The following KLK7 variants were observed in gnomAD, a reference collection of about 807,000 sequenced individuals.
KLK7 encodes kallikrein related peptidase 7.
A neutral mutation model predicts 21.0 loss-of-function variants in KLK7; 17 were observed. The observed-to-expected ratio is 0.81, with a 90% CI of 0.55 to 1.21. The LOEUF is 1.21. KLK7 is among the 50% of genes most tolerant of loss of function. The pLI, the probability that KLK7 is intolerant of heterozygous loss-of-function variation, is 0.00. For synonymous variants in KLK7, 151 were observed against 134.6 expected (o/e 1.12, Z -0.85); for missense variants, 330 against 322.8 (o/e 1.02, Z -0.17).
At chr19:50,982,751 C>T (rs1000183595) in intron 1 of KLK7, among the ~76,000 whole-genome samples, 8 of 151,602 alleles carry the variant, frequency 5.3e-5, no homozygotes, top group Non-Finnish European at 1.2e-4. Flanking sequence ...GCACCTTCCT[C>T]CCTCAGACCC....
At position 50,977,003 on chromosome 19, in the gene KLK7, T is replaced by G. The variant is rs1654529; in HGVS notation, c.*533A>C. The G allele has an allele frequency of 0.055, 8,425 of 153,076 alleles. 782 individuals are homozygous for G. The highest frequency in any genetic ancestry group is 0.19 in the African/African-American group (7,747 of 41,478). The allele number at this position is 153,076 out of a possible 1,614,324, so 9.5% of individuals were successfully genotyped here. ...GAGGTTGCAGTGAGCCAAGATTGCATCACTGCATTGCAGCCCAAGCAACAG... is the reference window on the plus strand; with the variant it reads ...GAGGTTGCAGTGAGCCAAGATTGCAGCACTGCATTGCAGCCCAAGCAACAG... On this transcript the variant is annotated 3_prime_UTR_variant, in exon 6 of 6. Coordinates refer to ENST00000595820, the MANE Select transcript of KLK7 (RefSeq NM_005046.4).
chr19:50,977,838 A>G (rs2091048848), intron 5 of KLK7, 147 bp from the exon 6 acceptor site: 1 of 829,864 alleles, frequency 1.2e-6, no homozygotes, highest in African/African-American at 1.7e-5. Context: ...TCTGGGGACT[A>G]ATGGGAGAGC....
upstream of KLK7, chr19:50,983,984 G>T: frequency 8.1e-7 from 1 of 1,235,212 alleles, no homozygotes; most frequent in Non-Finnish European, 1.1e-6. Context: ...GCCCTGGGGT[G>T]CAGGCGGAGC....
rs1238780609 is a variant in KLK7, at chr19:50,977,220, T to C, written c.*316A>G. ...AGGTTCTTCCTAAGATTAGAGTTAC[T>C]GGGTCAAAGGTGGTGAATAAGGGTC... On this transcript the variant is annotated 3_prime_UTR_variant, in exon 6 of 6. Coordinates refer to ENST00000595820, the MANE Select transcript of KLK7 (RefSeq NM_005046.4). 8.3e-6 allele frequency: 2 copies of C among 241,360 alleles called. No individual in the cohort carries two copies. Among genetic ancestry groups the C allele is most frequent in the Non-Finnish European group, 1.6e-5 (2 of 126,600 alleles). The allele number at this position is 241,360 out of a possible 1,614,324, so 15.0% of individuals were successfully genotyped here.
intron 5 of KLK7, among the ~76,000 whole-genome samples, chr19:50,979,525 G>C (rs1263590881): frequency 1.3e-5 from 2 of 152,188 alleles, no homozygotes; most frequent in African/African-American, 4.8e-5. Flanking sequence ...CCTGAGGCCA[G>C]CACCTCAGTC....
chr19:50,981,735 G>A (rs759679638), intron 3 of KLK7, 32 bp downstream of exon 3: 1 of 1,536,660 alleles, frequency 6.5e-7, no homozygotes, highest in South Asian at 1.2e-5. Flanking sequence ...AGACGCTGGT[G>A]CACCTCCAGC....
At chr19:50,982,176 C>CA (rs955554951) in intron 2 of KLK7, 151 bp downstream of exon 2, 1 of 1,070,006 alleles carries the variant, frequency 9.3e-7, no homozygotes, top group African/African-American at 1.6e-5. Context: ...CCTGAGTCAG[C>CA]AGAAGCAGGA....
Position 50,979,842 on chromosome 19 carries a change from C to T in KLK7, c.552G>A (p.Leu184=). Reference sequence around the variant, plus strand: ...TGCCAGCGCACAGCATGGAATTTTCCAGTAAGTCCTTGTAAACCTTCGTGC... The same window carrying T: ...TGCCAGCGCACAGCATGGAATTTTCTAGTAAGTCCTTGTAAACCTTCGTGC... ...QDCTKVYKDL[L]ENSMLCAGIP... is the part of the protein sequence containing the mutation. Residue 184 remains leucine, a synonymous_variant, in exon 5 of 6, where the codon CTG becomes CTA. Transcript: ENST00000595820. 1 of 1,582,048 alleles carries T rather than the reference C, an allele frequency of 6.3e-7. No individual in the cohort carries two copies. Among genetic ancestry groups the T allele is most frequent in the Non-Finnish European group, 8.6e-7 (1 of 1,163,320 alleles).
At chr19:50,978,676 G>A (rs982268937) in intron 5 of KLK7, among the ~76,000 whole-genome samples, 1 of 146,870 alleles carries the variant, frequency 6.8e-6, no homozygotes, top group Non-Finnish European at 1.5e-5. Flanking sequence ...GAGAGAGACT[G>A]GAAGAGAGGA....
rs1436694622 is a variant in KLK7 at position 50,977,490 on chromosome 19, G to A, written c.*46C>T. ...ATAGGTCATCGGCGTCCTCACTCCT[G>A]TGCATTTTCTGTTGGAAGCACACAG... On this transcript the variant is annotated 3_prime_UTR_variant, in exon 6 of 6. Coordinates refer to ENST00000595820, the MANE Select transcript of KLK7 (RefSeq NM_005046.4). 6.3e-7 allele frequency: 1 copy of A among 1,594,864 alleles called. No individual in the cohort carries two copies. The highest frequency in any genetic ancestry group is 8.6e-7 in the Non-Finnish European group (1 of 1,163,294).
chr19:50,982,400 G>T lies in KLK7; in HGVS notation c.-1C>A, dbSNP rs1416183774. ...GGGGCAGGAGAAGGGATCTTGCCAT[G>T]GTGCCCTGCTGAGCCGCTCAGGGGC... On this transcript the variant is annotated 5_prime_UTR_variant, in exon 2 of 6. Coordinates refer to ENST00000595820, the MANE Select transcript of KLK7 (RefSeq NM_005046.4). 1.2e-6 allele frequency: 2 copies of T among 1,606,872 alleles called. No individual in the cohort carries two copies. The highest frequency in any genetic ancestry group is 2.7e-5 in the African/African-American group (2 of 74,808).
chr19:50,983,713 A>G (rs2091109450), intron 1 of KLK7, 138 bp downstream of exon 1: 2 of 1,155,426 alleles, frequency 1.7e-6, no homozygotes, highest in East Asian at 1.2e-4. Context: ...AAAGGCCCCA[A>G]ATTGCAGACT....
At position 50,977,652 on chromosome 19, in the gene KLK7, G is replaced by T. The variant is rs772265162; in HGVS notation, c.646C>A (p.Gln216Lys). The T allele has an allele frequency of 1.2e-6, 2 of 1,613,740 alleles. No homozygotes were observed. The highest frequency in any genetic ancestry group is 2.2e-5 in the South Asian group (2 of 91,074). The change falls in exon 6 of 6, where the codon CAA (glutamine) becomes AAA (lysine). Residue 216 changes from glutamine (Q) to lysine (K), a missense_variant. Transcript: ENST00000595820. Reference sequence around the variant, plus strand: ...AAAGTTCCCCAGGACACCAGACCTTGCAGGGTACCTCTGCACACCAACGGT... The same window carrying T: ...AAAGTTCCCCAGGACACCAGACCTTTCAGGGTACCTCTGCACACCAACGGT... Reference protein sequence around the residue: ...GGPLVCRGTLQGLVSWGTFPC... With the variant: ...GGPLVCRGTLKGLVSWGTFPC...
chr19:50,983,495 G>A (rs1365433922), intron 1 of KLK7, among the ~76,000 whole-genome samples: 2 of 23,476 alleles, frequency 8.5e-5, no homozygotes, highest in African/African-American at 3.7e-4. Flanking sequence ...CCCAGGAGTC[G>A]AGACCCCCAG....
chr19:50,979,051 T>G (rs1753599313), intron 5 of KLK7, among the ~76,000 whole-genome samples: 1 of 150,438 alleles, frequency 6.6e-6, no homozygotes, highest in Admixed American at 6.6e-5. Flanking sequence ...AAGAATGAAA[T>G]GAAATTATGT....
Position 50,977,355 on chromosome 19 carries a change from T to C in KLK7, c.*181A>G. ...TTCTCCAGCACTGAGGGTTTTGTGT[T>C]TCTTTATTTGTTTTGGTTTTAGGTC... On this transcript the variant is annotated 3_prime_UTR_variant, in exon 6 of 6. Coordinates refer to ENST00000595820, the MANE Select transcript of KLK7 (RefSeq NM_005046.4). 1.6e-6 allele frequency: 1 copy of C among 612,194 alleles called. No individual in the cohort carries two copies. Among genetic ancestry groups the C allele is most frequent in the Non-Finnish European group, 2.9e-6 (1 of 349,982 alleles). 37.9% of individuals were successfully genotyped at this position (612,194 alleles called of 1,614,324 possible). A position where few individuals can be genotyped will look rare whatever the true frequency, so the allele number is the denominator to read the frequency against.
chr19:50,978,476 GAGAC>G (rs1441142650), intron 5 of KLK7, among the ~76,000 whole-genome samples: 2 of 141,204 alleles, frequency 1.4e-5, no homozygotes, highest in African/African-American at 5.4e-5. Flanking sequence ...GGGAGAGAGA[GAGAC>G]AGAGAGATGG....
At position 50,981,740 on chromosome 19, in the gene KLK7, T is replaced by C. The variant is rs1408116302; in HGVS notation, c.221+27A>G. On this transcript the variant is annotated intron_variant, in intron 3 of 5. Transcript: ENST00000595820. ...AGCGAGCTGGAGACGCTGGTGCACC[T>C]CCAGCAGAGACTTGGGCGGCACCTA... is the stretch of plus-strand genomic sequence containing the variant. 37 of 1,545,690 alleles carry C rather than the reference T, an allele frequency of 2.4e-5. No homozygotes were observed. In the East Asian group the frequency reaches 8.4e-4, roughly 35 times the overall value.
Position 50,977,457 on chromosome 19 carries a change from T to A in KLK7, c.*79A>T. 7.2e-7 allele frequency: 1 copy of A among 1,398,220 alleles called. No homozygotes were observed. The highest frequency in any genetic ancestry group is 1.8e-5 in the Admixed American group (1 of 55,760). The allele number at this position is 1,398,220 out of a possible 1,614,324, so 86.6% of individuals were successfully genotyped here. A position where few individuals can be genotyped will look rare whatever the true frequency, so the allele number is the denominator to read the frequency against. Reference sequence around the variant, plus strand: ...TCTTTGAGGAAAGGTAAAGTCAAATTTGACTTCATAGGTCATCGGCGTCCT... The same window carrying A: ...TCTTTGAGGAAAGGTAAAGTCAAATATGACTTCATAGGTCATCGGCGTCCT... On this transcript the variant is annotated 3_prime_UTR_variant, in exon 6 of 6. Transcript: ENST00000595820.
Sources: allele counts gnomAD v4.1 joint callset (sites outside exome capture counted in the v4.1 genomes callset), GRCh38; gene constraint gnomAD v4.1.1; transcripts MANE v1.5; gene names NCBI Gene and HGNC (gene_info 2026-07-23, HGNC 2026-07-21).